Variants in PPP1R36 observed in about 807,000 individuals in gnomAD.
The protein encoded by PPP1R36 is chromosome 14 open reading frame 50.
Under a neutral mutation model 53.4 loss-of-function variants are expected in PPP1R36, and 47 were observed. The observed-to-expected ratio is 0.88, with a 90% CI of 0.70 to 1.12. The LOEUF (loss-of-function observed/expected upper bound fraction) is 1.12, where lower values mean the gene tolerates loss of function less well. Among genes scored for constraint, PPP1R36 ranks in the 50% most tolerant of loss-of-function variants. PPP1R36 has a pLI of 0.00. For synonymous variants in PPP1R36, 153 were observed against 170.5 expected (o/e 0.90, Z 0.80); for missense variants, 456 against 513.9 (o/e 0.89, Z 1.09).
chr14:64,586,140 T>G (rs1666330258), intron 8 of PPP1R36: 1 of 152,138 alleles, frequency 6.6e-6, no homozygotes, highest in African/African-American at 2.4e-5. Flanking sequence ...ATTTTTGTAC[T>G]TTTAGTACTT....
intron 3 of PPP1R36, among the ~76,000 whole-genome samples, chr14:64,556,382 C>T (rs1279886988): frequency 6.6e-6 from 1 of 151,816 alleles, no homozygotes; most frequent in Non-Finnish European, 1.5e-5. Flanking sequence ...GGATTATAGG[C>T]ATGAGCCACT....
At position 64,556,556 on chromosome 14, in the gene PPP1R36, G is replaced by T. The variant is rs529961061; in HGVS notation, c.182+3695G>T. ...GTGGGAGGATTGCTTGAACCCAGTA[G>T]TTTGAGACCAGCCTGGGCAACATAG... is the stretch of plus-strand genomic sequence containing the variant. On this transcript the variant is annotated intron_variant, in intron 3 of 11. Transcript: ENST00000298705. Among the ~76,000 whole-genome samples the T allele has an allele frequency of 2.0e-3, 300 of 150,226 alleles. 1 individual carries two copies. Among genetic ancestry groups the T allele is most frequent in the South Asian group, 5.6e-3 (26 of 4,630 alleles).
intron 4 of PPP1R36, 104 bp downstream of exon 4, chr14:64,564,941 C>A: frequency 1.4e-6 from 1 of 736,446 alleles, no homozygotes; most frequent in Non-Finnish European, 2.3e-6. Flanking sequence ...TATTCTAGGT[C>A]GCAATGCGAA....
At chr14:64,585,509 CCT>C (rs2080424972) in intron 8 of PPP1R36, among the ~76,000 whole-genome samples, 1 of 110,032 alleles carries the variant, frequency 9.1e-6, no homozygotes, top group Non-Finnish European at 1.8e-5. Flanking sequence ...AGAATGAGAC[CCT>C]GTCTCAAAAA....
chr14:64,561,146 G>A (rs1179288294), intron 3 of PPP1R36, among the ~76,000 whole-genome samples: 3 of 152,206 alleles, frequency 2.0e-5, no homozygotes, highest in Non-Finnish European at 4.4e-5. Flanking sequence ...TGAAAGTTCT[G>A]AGGTTTCAGT....
intron 3 of PPP1R36, chr14:64,559,429 A>T (rs2080186050): frequency 6.6e-6 from 1 of 152,414 alleles, no homozygotes; most frequent in Admixed American, 6.5e-5. Flanking sequence ...CATTCACCAG[A>T]GCGGCCTGAT....
chr14:64,560,209 G>A (rs2080195842), intron 3 of PPP1R36, among the ~76,000 whole-genome samples: 1 of 150,760 alleles, frequency 6.6e-6, no homozygotes, highest in Non-Finnish European at 1.5e-5. Flanking sequence ...GGGAGACTGA[G>A]GCAGGCAGAT....
intron 7 of PPP1R36, among the ~76,000 whole-genome samples, chr14:64,572,970 T>C (rs945143337): frequency 6.6e-6 from 1 of 152,124 alleles, no homozygotes; most frequent in Non-Finnish European, 1.5e-5. Flanking sequence ...GAAGGGGGTG[T>C]ATTAAGGATA....
rs78726030 is a variant in PPP1R36, at chr14:64,588,150, C to T, written c.937C>T (p.Arg313Cys). The T allele has an allele frequency of 7.4e-6, 12 of 1,611,228 alleles. No individual in the cohort carries two copies. In the South Asian group the frequency reaches 8.8e-5, roughly 12 times the overall value. Residue 313 changes from arginine to cysteine, a missense_variant, in exon 11 of 12, where the codon CGT (arginine) becomes TGT (cysteine). By Grantham distance (180) the Arg-to-Cys change is radical (BLOSUM62 -3). Coordinates refer to ENST00000298705, the MANE Select transcript of PPP1R36 (RefSeq NM_172365.3). ...AGCAATTAAAAAAGCTATCAACATGCGTTCTCCAGTCATGTCTACTCTGCT... is the reference window on the plus strand; with the variant it reads ...AGCAATTAAAAAAGCTATCAACATGTGTTCTCCAGTCATGTCTACTCTGCT... ...RPAIKKAINM[R>C]SPVMSTLLPS...
chr14:64,571,750 G>T (rs1365249861), intron 7 of PPP1R36, among the ~76,000 whole-genome samples: 1 of 152,158 alleles, frequency 6.6e-6, no homozygotes, highest in Non-Finnish European at 1.5e-5. Context: ...ATTTATAAAG[G>T]AAAGAGGCTT....
chr14:64,570,379 G>A (rs1229204327), intron 7 of PPP1R36, among the ~76,000 whole-genome samples: 1 of 152,074 alleles, frequency 6.6e-6, no homozygotes, highest in African/African-American at 2.4e-5. Flanking sequence ...CTCCTCAGGA[G>A]GCTGAGGCAA....
rs79953534 is a variant in PPP1R36 at position 64,589,372 on chromosome 14, T to A, written c.*34T>A. The A allele has an allele frequency of 2.5e-3, 3,597 of 1,460,316 alleles. 92 individuals carry two copies. In the African/African-American group the frequency reaches 0.046, roughly 19 times the overall value. The allele number at this position is 1,460,316 out of a possible 1,614,324, so 90.5% of individuals were successfully genotyped here. On this transcript the variant is annotated 3_prime_UTR_variant, in exon 12 of 12. Transcript: ENST00000298705. Reference sequence around the variant, plus strand: ...ATTCCATATCTCAAGTAAACTACTTTGACTTTATAGAAGATGGTTATTCGT... The same window carrying A: ...ATTCCATATCTCAAGTAAACTACTTAGACTTTATAGAAGATGGTTATTCGT...
intron 1 of PPP1R36, chr14:64,550,277 C>G: frequency 3.7e-6 from 5 of 1,368,270 alleles, no homozygotes; most frequent in Middle Eastern, 2.8e-4. Flanking sequence ...AATTCTGGCT[C>G]CCTGCGCAGG....
At chr14:64,560,831 C>T (rs1002166178) in intron 3 of PPP1R36, among the ~76,000 whole-genome samples, 1 of 152,172 alleles carries the variant, frequency 6.6e-6, no homozygotes, top group African/African-American at 2.4e-5. Flanking sequence ...GTTCAATAGA[C>T]TGATGTGTCA....
At chr14:64,573,885 G>A (rs995181406) in intron 7 of PPP1R36, among the ~76,000 whole-genome samples, 30 of 110,496 alleles carry the variant, frequency 2.7e-4, no homozygotes, top group Non-Finnish European at 4.1e-4. Context: ...TTGCACTCCA[G>A]CTTGGGCGAC....
intron 4 of PPP1R36, 100 bp from the exon 5 acceptor site, chr14:64,565,257 T>C: frequency 1.4e-6 from 1 of 727,350 alleles, no homozygotes; most frequent in Non-Finnish European, 2.3e-6. Context: ...ACACTCAGGC[T>C]CTTATTACTT....
intron 7 of PPP1R36, among the ~76,000 whole-genome samples, chr14:64,573,624 G>A (rs1356090416): frequency 2.0e-5 from 3 of 151,912 alleles, no homozygotes; most frequent in Admixed American, 1.3e-4. Context: ...TTAAAAAAGC[G>A]AAAATAGGCC....
At chr14:64,583,830 AAAAG>A (rs2080409181) in intron 8 of PPP1R36, among the ~76,000 whole-genome samples, 1 of 151,196 alleles carries the variant, frequency 6.6e-6, no homozygotes, top group Non-Finnish European at 1.5e-5. Flanking sequence ...AAAAAAAAAA[AAAAG>A]AGAGAAAGAG....
intron 8 of PPP1R36, among the ~76,000 whole-genome samples, chr14:64,580,371 C>A (rs2080379273): frequency 6.6e-6 from 1 of 152,072 alleles, no homozygotes; most frequent in African/African-American, 2.4e-5. Context: ...CATTGCAAAC[C>A]AATGTTGGGA....
Sources: gnomAD v4.1 joint callset for allele counts (sites outside exome capture counted in the v4.1 genomes callset) on GRCh38, gnomAD v4.1.1 for gene constraint, MANE v1.5 for transcripts, NCBI Gene and HGNC (gene_info 2026-07-23, HGNC 2026-07-21) for gene names.